PCDHGB4: variants seen among roughly 807,000 people sequenced by gnomAD.
The protein encoded by PCDHGB4 is protocadherin gamma subfamily B, 4.
In PCDHGB4, 38 loss-of-function variants were observed where a neutral mutation model predicts 60.5. The observed-to-expected ratio is 0.63, with a 90% confidence interval of 0.48 to 0.82. The LOEUF (loss-of-function observed/expected upper bound fraction) is 0.82. Among genes scored for constraint, PCDHGB4 ranks in the 40% least tolerant of loss-of-function variants. The probability of loss-of-function intolerance (pLI) is 0.00; values close to 1 mark genes in which losing one functional copy is unlikely to be tolerated. For missense variants in PCDHGB4, 1,109 were observed against 1,209.6 expected (o/e 0.92, Z 1.23); for synonymous variants, 456 against 509.7 (o/e 0.89, Z 1.42).
At chr5:141,398,079 G>A (rs1409220171) in intron 1 of PCDHGB4, 9 of 1,596,334 alleles carry the variant, frequency 5.6e-6, no homozygotes, top group Middle Eastern at 3.8e-4. Context: ...GAGGTTATTT[G>A]TAACCTGGCG....
intron 1 of PCDHGB4, chr5:141,426,739 GC>G (rs1345744337): frequency 8.8e-6 from 4 of 453,408 alleles, no homozygotes; most frequent in Non-Finnish European, 1.8e-5. Flanking sequence ...ATTCGGTTTG[GC>G]CTGGAATCTG....
chr5:141,418,391 T>G, intron 1 of PCDHGB4: 1 of 1,614,010 alleles, frequency 6.2e-7, no homozygotes, highest in Non-Finnish European at 8.5e-7. Context: ...TAACGAGTAT[T>G]TCTCATTGGT....
Position 141,487,622 on chromosome 5 carries a change from C to A in PCDHGB4, c.2398-7185C>A. 1 of 1,614,174 alleles carries A rather than the reference C, an allele frequency of 6.2e-7. No homozygotes were observed. Among genetic ancestry groups the A allele is most frequent in the Non-Finnish European group, 8.5e-7 (1 of 1,180,030 alleles). ...TCTTCTCTATGGGCTAGAGGTGAGACCTTTGCAGGCTCAACAAATGCTTGA... is the reference window on the plus strand; with the variant it reads ...TCTTCTCTATGGGCTAGAGGTGAGAACTTTGCAGGCTCAACAAATGCTTGA... On this transcript the variant is annotated intron_variant, in intron 1 of 3. Transcript: ENST00000519479. The surrounding 1 kb of genome is among the most constrained non-coding windows in gnomAD (Gnocchi z 5.0).
chr5:141,471,635 A>G (rs1477641248), intron 1 of PCDHGB4: 1 of 152,224 alleles, frequency 6.6e-6, no homozygotes, highest in Non-Finnish European at 1.5e-5. Context: ...GGTATGGATT[A>G]GTAATATACT....
At chr5:141,414,042 T>A (rs758538745) in intron 1 of PCDHGB4, 1 of 1,611,324 alleles carries the variant, frequency 6.2e-7, no homozygotes, top group South Asian at 1.1e-5. Flanking sequence ...GAAAATTACC[T>A]GACACGCAAT....
intron 1 of PCDHGB4, chr5:141,393,977 T>TA: frequency 6.2e-7 from 1 of 1,613,870 alleles, no homozygotes; most frequent in Non-Finnish European, 8.5e-7. Flanking sequence ...ACACACGTGA[T>TA]AATTTACCTT....
chr5:141,399,649 G>A (rs1325160100), intron 1 of PCDHGB4: 2 of 1,613,794 alleles, frequency 1.2e-6, no homozygotes, highest in East Asian at 2.2e-5. Flanking sequence ...CGCGCAAAGT[G>A]GGGTGGTGTT....
chr5:141,498,002 C>T (rs1442305270), intron 2 of PCDHGB4, among the ~76,000 whole-genome samples: 2 of 152,178 alleles, frequency 1.3e-5, no homozygotes, highest in East Asian at 1.9e-4. Flanking sequence ...AAGGAGTTTA[C>T]AGTGCACTGA....
intron 1 of PCDHGB4, chr5:141,422,315 C>T: frequency 6.5e-7 from 1 of 1,547,896 alleles, no homozygotes; most frequent in Non-Finnish European, 8.7e-7. Flanking sequence ...AACTCTCCTC[C>T]AGGTACAGTG....
chr5:141,478,127 C>T (rs1323163663), intron 1 of PCDHGB4: 1 of 1,613,988 alleles, frequency 6.2e-7, no homozygotes, highest in Admixed American at 1.7e-5. Flanking sequence ...CGAGGACTCT[C>T]CTGAAGCCCG....
chr5:141,444,280 T>C (rs1217749098), intron 1 of PCDHGB4, among the ~76,000 whole-genome samples: 1 of 147,614 alleles, frequency 6.8e-6, no homozygotes, highest in East Asian at 2.1e-4. Context: ...CAAGTGATTC[T>C]CCTGCCTCAG....
Position 141,487,070 on chromosome 5 carries a change from C to A in PCDHGB4, c.2398-7737C>A, listed in dbSNP as rs1365482479. The A allele has an allele frequency of 6.2e-7, 1 of 1,614,036 alleles. No individual in the cohort carries two copies. The highest frequency in any genetic ancestry group is 8.5e-7 in the Non-Finnish European group (1 of 1,180,016). ...TGCTGGGGAGGTGCGGACGGCTGTT[C>A]CTATCCCAGCTGACCTCCCACCACA... is the stretch of plus-strand genomic sequence containing the variant. On this transcript the variant is annotated intron_variant, in intron 1 of 3. Coordinates refer to ENST00000519479, the MANE Select transcript of PCDHGB4 (RefSeq NM_003736.4). The surrounding 1 kb of genome is among the most constrained non-coding windows in gnomAD (Gnocchi z 5.0).
chr5:141,414,123 C>T (rs1328389134), intron 1 of PCDHGB4: 1 of 1,592,532 alleles, frequency 6.3e-7, no homozygotes. Flanking sequence ...ATGAAGAAAC[C>T]GGTTTCTATG....
rs925034052 is a variant in PCDHGB4, at chr5:141,486,630, T to G, written c.2398-8177T>G. 2 of 1,613,690 alleles carry G rather than the reference T, an allele frequency of 1.2e-6. No individual in the cohort carries two copies. Among genetic ancestry groups the G allele is most frequent in the Non-Finnish European group, 1.7e-6 (2 of 1,180,028 alleles). ...GCAGCCTCTGACCCAGACTCTGGCTTGAATGCGCTTATCTCCTACTCACTC... is the reference window on the plus strand; with the variant it reads ...GCAGCCTCTGACCCAGACTCTGGCTGGAATGCGCTTATCTCCTACTCACTC... On this transcript the variant is annotated intron_variant, in intron 1 of 3. Coordinates refer to ENST00000519479, the MANE Select transcript of PCDHGB4 (RefSeq NM_003736.4). This position sits in a 1 kb window ranked among gnomAD's most constrained non-coding sequence, Gnocchi z 5.0.
At chr5:141,479,866 A>G (rs1020197891) in intron 1 of PCDHGB4, among the ~76,000 whole-genome samples, 2 of 152,204 alleles carry the variant, frequency 1.3e-5, no homozygotes, top group African/African-American at 2.4e-5. Context: ...TTTGCCCTGG[A>G]GAGAACCCTA....
chr5:141,427,999 T>A, intron 1 of PCDHGB4: 1 of 1,601,186 alleles, frequency 6.2e-7, no homozygotes, highest in Non-Finnish European at 8.5e-7. Context: ...GGCTCCGCAC[T>A]CTTCGATATA....
intron 3 of PCDHGB4, among the ~76,000 whole-genome samples, chr5:141,509,574 G>T (rs554778751): frequency 6.6e-6 from 1 of 152,300 alleles, no homozygotes; most frequent in South Asian, 2.1e-4. Context: ...TTCACAGTGC[G>T]TACAAATCAG....
chr5:141,490,454 CG>C lies in PCDHGB4; in HGVS notation c.2398-4352del. ...ATTAAGCCTTCTGAGAACCACTACT[CG>C]CTGCTAACCAGCCAGCCTTTGGACC... On this transcript the variant is annotated intron_variant, in intron 1 of 3. Coordinates refer to ENST00000519479, the MANE Select transcript of PCDHGB4 (RefSeq NM_003736.4). This position sits in a 1 kb window ranked among gnomAD's most constrained non-coding sequence, Gnocchi z 5.4. The C allele has an allele frequency of 1.2e-6, 2 of 1,614,176 alleles. No individual in the cohort carries two copies. Among genetic ancestry groups the C allele is most frequent in the Non-Finnish European group, 1.7e-6 (2 of 1,180,020 alleles).
At chr5:141,508,700 CCT>C in intron 3 of PCDHGB4, among the ~76,000 whole-genome samples, 1 of 152,158 alleles carries the variant, frequency 6.6e-6, no homozygotes, top group Non-Finnish European at 1.5e-5. Flanking sequence ...CCGTGTTCCT[CCT>C]CATTCTTTTC....
Sources: allele counts gnomAD v4.1 joint callset (sites outside exome capture counted in the v4.1 genomes callset), GRCh38; gene constraint gnomAD v4.1.1; non-coding constraint Gnocchi (gnomAD v3.1); transcripts MANE v1.5; gene names NCBI Gene and HGNC (gene_info 2026-07-23, HGNC 2026-07-21).